PARD3B: variants seen among roughly 807,000 people sequenced by gnomAD.
PARD3B encodes the protein par-3 family cell polarity regulator beta.
A neutral mutation model predicts 130.2 loss-of-function variants in PARD3B; 103 were observed. The ratio of observed to expected loss-of-function variants is 0.79; its 90% CI spans 0.67 to 0.93. PARD3B has a LOEUF of 0.93. Among genes scored for constraint, PARD3B ranks in the 40% least tolerant of loss-of-function variants. The pLI, the probability that PARD3B is intolerant of heterozygous loss-of-function variation, is 0.00. For synonymous variants in PARD3B, 583 were observed against 553.2 expected (o/e 1.05, Z -0.76); for missense variants, 1,609 against 1,499.2 (o/e 1.07, Z -1.21).
At chr2:205,005,530 T>A (rs552387166) in intron 3 of PARD3B, among the ~76,000 whole-genome samples, 28 of 152,296 alleles carry the variant, frequency 1.8e-4, no homozygotes, top group African/African-American at 6.5e-4. Flanking sequence ...TCTTTTCTCA[T>A]CAAGCCTTTC....
At chr2:205,238,847 A>ATATATAT (rs1396676339) in intron 15 of PARD3B, among the ~76,000 whole-genome samples, 5 of 73,566 alleles carry the variant, frequency 6.8e-5, no homozygotes, top group East Asian at 7.2e-4. Context: ...AAAAAAAAAA[A>ATATATAT]AAATATATAT....
At position 204,772,155 on chromosome 2, in the gene PARD3B, T is replaced by G. The variant is rs145018662; in HGVS notation, c.222+85873T>G. ...TAGTATTGCTTACAACAGTAGTTAT[T>G]AATAGTATTATTTATATATAACTTA... On this transcript the variant is annotated intron_variant, in intron 2 of 22. Coordinates refer to ENST00000406610, the MANE Select transcript of PARD3B (RefSeq NM_001302769.2). Among the ~76,000 whole-genome samples, 480 of 152,200 alleles carry G rather than the reference T, an allele frequency of 3.2e-3. 1 individual carries two copies. The highest frequency in any genetic ancestry group is 5.7e-3 in the Non-Finnish European group (388 of 67,982).
At chr2:205,377,680 A>T (rs1189176933) in intron 18 of PARD3B, among the ~76,000 whole-genome samples, 2 of 152,084 alleles carry the variant, frequency 1.3e-5, no homozygotes. Flanking sequence ...CACATCTTTA[A>T]CAAATGACAT....
intron 2 of PARD3B, among the ~76,000 whole-genome samples, chr2:204,916,159 G>C (rs2047434068): frequency 6.6e-6 from 1 of 152,200 alleles, no homozygotes; most frequent in Non-Finnish European, 1.5e-5. Flanking sequence ...TATTTTCCAA[G>C]ATAAAAAATT....
At chr2:205,251,098 T>C (rs897516646) in intron 16 of PARD3B, among the ~76,000 whole-genome samples, 3 of 152,142 alleles carry the variant, frequency 2.0e-5, no homozygotes, top group African/African-American at 7.2e-5. Context: ...CACACACACA[T>C]ATCAAGCTAT....
Position 205,229,414 on chromosome 2 carries a change from A to G in PARD3B, c.2141-16364A>G, listed in dbSNP as rs1209778225. ...ACTCTTACAGACTTGTAGAGGTGCCATGTTGGTGGTCTTGGATAAGATCTG... is the reference window on the plus strand; with the variant it reads ...ACTCTTACAGACTTGTAGAGGTGCCGTGTTGGTGGTCTTGGATAAGATCTG... On this transcript the variant is annotated intron_variant, in intron 15 of 22. Transcript: ENST00000406610. The surrounding 1 kb of genome is among the most constrained non-coding windows in gnomAD (Gnocchi z 5.2). 3.9e-5 allele frequency among the ~76,000 whole-genome samples: 6 copies of G among 152,194 alleles called. No individual in the cohort carries two copies. Among genetic ancestry groups the G allele is most frequent in the African/African-American group, 1.2e-4 (5 of 41,452 alleles).
intron 1 of PARD3B, among the ~76,000 whole-genome samples, chr2:204,600,884 G>A (rs2033482109): frequency 6.6e-6 from 1 of 151,754 alleles, no homozygotes; most frequent in Admixed American, 6.6e-5. Context: ...GACTTACTGA[G>A]CTAGATAGTT....
intron 16 of PARD3B, among the ~76,000 whole-genome samples, chr2:205,296,551 A>C (rs1027703002): frequency 1.3e-5 from 2 of 152,122 alleles, no homozygotes; most frequent in African/African-American, 4.8e-5. Flanking sequence ...GCACCTCTCC[A>C]ACTAGGTGGT....
intron 15 of PARD3B, among the ~76,000 whole-genome samples, chr2:205,200,594 G>C (rs1489100887): frequency 6.6e-6 from 1 of 152,116 alleles, no homozygotes; most frequent in Non-Finnish European, 1.5e-5. Flanking sequence ...CATTCAACAA[G>C]GATTTATTGA....
At chr2:205,213,845 A>C (rs1227551124) in intron 15 of PARD3B, among the ~76,000 whole-genome samples, 1 of 152,156 alleles carries the variant, frequency 6.6e-6, no homozygotes. Context: ...TTAAATAAAG[A>C]AGAATGAAAG....
At chr2:205,023,330 A>G (rs1437224378) in intron 3 of PARD3B, among the ~76,000 whole-genome samples, 4 of 152,094 alleles carry the variant, frequency 2.6e-5, no homozygotes, top group Admixed American at 2.6e-4. Flanking sequence ...CGTGGCAGCA[A>G]TGCTGCTTAG....
chr2:204,883,456 T>TATAAAATATATATATATATATATATTG (rs1438302508), intron 2 of PARD3B, among the ~76,000 whole-genome samples: 1 of 99,538 alleles, frequency 1.0e-5, no homozygotes, highest in Non-Finnish European at 1.8e-5. Flanking sequence ...TATATATATA[T>TATAAAATATATATATATATATATATTG]TTTTTTTTTT....
intron 2 of PARD3B, among the ~76,000 whole-genome samples, chr2:204,960,735 A>G (rs1347197215): frequency 2.6e-5 from 4 of 152,158 alleles, no homozygotes; most frequent in Non-Finnish European, 5.9e-5. Flanking sequence ...TACACAATCA[A>G]TAACAAACTC....
intron 1 of PARD3B, among the ~76,000 whole-genome samples, chr2:204,550,007 C>T (rs1183091029): frequency 6.6e-6 from 1 of 151,926 alleles, no homozygotes; most frequent in Non-Finnish European, 1.5e-5. Flanking sequence ...TACTCCTACT[C>T]CTACCCTTAA....
intron 18 of PARD3B, among the ~76,000 whole-genome samples, chr2:205,368,388 T>G (rs1282532478): frequency 1.3e-5 from 2 of 152,124 alleles, no homozygotes; most frequent in Non-Finnish European, 2.9e-5. Context: ...ATCCCAGCAC[T>G]TTGGGAGGCC....
chr2:205,529,312 A>G (rs1164610799), intron 21 of PARD3B, among the ~76,000 whole-genome samples: 1 of 152,206 alleles, frequency 6.6e-6, no homozygotes, highest in Non-Finnish European at 1.5e-5. Flanking sequence ...CACACTTGAA[A>G]CAACCAGATG....
intron 2 of PARD3B, among the ~76,000 whole-genome samples, chr2:204,858,214 C>G (rs1033247534): frequency 3.9e-5 from 6 of 152,002 alleles, no homozygotes; most frequent in Admixed American, 1.3e-4. Flanking sequence ...TAGTTTTCAT[C>G]AAGTGGTAAA....
intron 21 of PARD3B, among the ~76,000 whole-genome samples, chr2:205,527,941 A>G (rs771637634): frequency 6.6e-6 from 1 of 152,202 alleles, no homozygotes; most frequent in Non-Finnish European, 1.5e-5. Flanking sequence ...TACATGATGC[A>G]TCAGAGATGG....
Position 204,545,927 on chromosome 2 carries a change from C to G in PARD3B, c.-73C>G. On this transcript the variant is annotated 5_prime_UTR_variant, in exon 1 of 23. Coordinates refer to ENST00000406610, the MANE Select transcript of PARD3B (RefSeq NM_001302769.2). ...TGGGCCCACCCGCCCCGGGCGTCCTCCGAGAGTGGGGGCTGCGCCCGCGGG... is the reference window on the plus strand; with the variant it reads ...TGGGCCCACCCGCCCCGGGCGTCCTGCGAGAGTGGGGGCTGCGCCCGCGGG... The G allele has an allele frequency of 4.2e-6, 6 of 1,438,608 alleles. No homozygotes were observed. Among genetic ancestry groups the G allele is most frequent in the Non-Finnish European group, 2.7e-6 (3 of 1,098,620 alleles). The allele number at this position is 1,438,608 out of a possible 1,614,324, so 89.1% of individuals were successfully genotyped here.
Sources: gnomAD v4.1 joint callset for allele counts (sites outside exome capture counted in the v4.1 genomes callset) on GRCh38, gnomAD v4.1.1 for gene constraint, Gnocchi (gnomAD v3.1) non-coding constraint, MANE v1.5 for transcripts, NCBI Gene and HGNC (gene_info 2026-07-23, HGNC 2026-07-21) for gene names.